The following ENTPD1 variants were observed in gnomAD, a reference collection of about 807,000 sequenced individuals.
The protein encoded by ENTPD1 is ATP diphosphohydrolase.
In ENTPD1, 33 loss-of-function variants were observed where a neutral mutation model predicts 57.0. The observed-to-expected ratio is 0.58, with a 90% CI of 0.44 to 0.77. ENTPD1 has a LOEUF of 0.77. Among genes scored for constraint, ENTPD1 ranks in the 30% least tolerant of loss-of-function variants. The pLI, the probability that ENTPD1 is intolerant of heterozygous loss-of-function variation, is 0.00. For synonymous variants in ENTPD1, 202 were observed against 218.8 expected, an observed-to-expected ratio of 0.92 and a Z score of 0.68; for missense variants, 501 against 603.4, an observed-to-expected ratio of 0.83 and a Z score of 1.78.
At chr10:95,733,061 C>T (rs1409651359) in intron 1 of ENTPD1, among the ~76,000 whole-genome samples, 1 of 152,094 alleles carries the variant, frequency 6.6e-6, no homozygotes, top group East Asian at 1.9e-4. Flanking sequence ...CCGTAATAGG[C>T]CTGGGAGTGC....
At chr10:95,856,938 G>C (rs1225296336) in intron 7 of ENTPD1, among the ~76,000 whole-genome samples, 3 of 151,644 alleles carry the variant, frequency 2.0e-5, no homozygotes, top group African/African-American at 7.3e-5. Flanking sequence ...TACATCTCTA[G>C]AGGATGGTTA....
At chr10:95,773,914 C>A (rs999484604) in intron 1 of ENTPD1, among the ~76,000 whole-genome samples, 1 of 152,196 alleles carries the variant, frequency 6.6e-6, no homozygotes, top group Non-Finnish European at 1.5e-5. Context: ...GCCACACTGT[C>A]TTCCACAATG....
chr10:95,868,002 C>T lies in ENTPD1; in HGVS notation c.*1619C>T. The T allele has an allele frequency of 1.0e-6, 1 of 985,468 alleles. No homozygotes were observed. The highest frequency in any genetic ancestry group is 1.2e-6 in the Non-Finnish European group (1 of 829,934). The allele number at this position is 985,468 out of a possible 1,614,324, so 61.0% of individuals were successfully genotyped here. A position where few individuals can be genotyped will look rare whatever the true frequency, so the allele number is the denominator to read the frequency against. ...GAATTGGGACATGTTCAAATTCTTTCTTGTGGTAGTTGCCTATACTGTCAT... is the reference window on the plus strand; with the variant it reads ...GAATTGGGACATGTTCAAATTCTTTTTTGTGGTAGTTGCCTATACTGTCAT... On this transcript the variant is annotated 3_prime_UTR_variant, in exon 10 of 10. Transcript: ENST00000371205.
At chr10:95,752,287 T>C (rs539934526), upstream of ENTPD1, among the ~76,000 whole-genome samples, 1 of 152,324 alleles carries the variant, frequency 6.6e-6, no homozygotes, top group African/African-American at 2.4e-5. Flanking sequence ...GACCATGGTC[T>C]CAAGTAGCTT....
At chr10:95,855,130 G>A (rs953362156) in intron 7 of ENTPD1, among the ~76,000 whole-genome samples, 13 of 152,106 alleles carry the variant, frequency 8.5e-5, no homozygotes, top group Non-Finnish European at 1.3e-4. Context: ...CCTGTATTGG[G>A]TGCATATATA....
chr10:95,710,055 T>A (rs2097964308), upstream of ENTPD1, among the ~76,000 whole-genome samples: 1 of 151,130 alleles, frequency 6.6e-6, no homozygotes, highest in African/African-American at 2.4e-5. Context: ...ATTACAAGCG[T>A]AAGCCACTGT....
intron 1 of ENTPD1, among the ~76,000 whole-genome samples, chr10:95,736,607 T>G (rs2139863869): frequency 6.6e-6 from 1 of 152,286 alleles, no homozygotes; most frequent in Middle Eastern, 3.4e-3. Flanking sequence ...CAATGATGGT[T>G]GCACGCACAC....
At chr10:95,846,923 AG>A (rs1323128011) in intron 6 of ENTPD1, among the ~76,000 whole-genome samples, 6 of 151,690 alleles carry the variant, frequency 4.0e-5, no homozygotes, top group Non-Finnish European at 8.8e-5. Context: ...TGGGAGGCTG[AG>A]GTTGCAGTGA....
intron 1 of ENTPD1, among the ~76,000 whole-genome samples, chr10:95,817,989 A>T (rs10509686): frequency 0.27 from 40,885 of 152,052 alleles, 6,337 homozygotes; most frequent in Admixed American, 0.38. Context: ...TCCAACAACT[A>T]TAGAACTCCC....
At chr10:95,860,659 C>A (rs2098463846) in intron 8 of ENTPD1, 77 bp downstream of exon 8, 4 of 1,247,478 alleles carry the variant, frequency 3.2e-6, no homozygotes, top group Non-Finnish European at 4.6e-6. Context: ...TGAGTCTGCT[C>A]TGAAACTCCT....
intron 1 of ENTPD1, among the ~76,000 whole-genome samples, chr10:95,795,497 A>C (rs1407915339): frequency 6.6e-6 from 1 of 152,210 alleles, no homozygotes; most frequent in Admixed American, 6.5e-5. Context: ...TGAAAGTTCA[A>C]TAATACATAT....
intron 1 of ENTPD1, among the ~76,000 whole-genome samples, chr10:95,787,876 A>G (rs1566148388): frequency 6.6e-6 from 1 of 152,214 alleles, no homozygotes; most frequent in Non-Finnish European, 1.5e-5. Flanking sequence ...GTCATAAAGA[A>G]GGCTGCAGTG....
intron 7 of ENTPD1, among the ~76,000 whole-genome samples, chr10:95,851,429 A>G (rs1590154783): frequency 6.6e-6 from 1 of 151,780 alleles, no homozygotes; most frequent in Non-Finnish European, 1.5e-5. Context: ...AGGTTGGATG[A>G]TCTTTTTTTT....
At chr10:95,768,480 C>CTTTCTTTCTTTTCTTT (rs1317981160) in intron 1 of ENTPD1, among the ~76,000 whole-genome samples, 3 of 147,508 alleles carry the variant, frequency 2.0e-5, no homozygotes, top group African/African-American at 7.5e-5. Flanking sequence ...TCTCTTTCTT[C>CTTTCTTTCTTTTCTTT]TTTCTTTCTT....
At chr10:95,708,339 G>A (rs754881772), upstream of ENTPD1, among the ~76,000 whole-genome samples, 2 of 151,836 alleles carry the variant, frequency 1.3e-5, no homozygotes, top group Admixed American at 6.6e-5. Flanking sequence ...TCAGCCTCCC[G>A]AGTAGCTGGG....
chr10:95,757,703 G>A (rs947525357), intron 1 of ENTPD1, among the ~76,000 whole-genome samples: 1 of 152,072 alleles, frequency 6.6e-6, no homozygotes, highest in African/African-American at 2.4e-5. Flanking sequence ...ACAGCTAGTT[G>A]TCAAAAGTCT....
At position 95,871,322 on chromosome 10, in the gene ENTPD1, A is replaced by T. The variant is rs1402144621; in HGVS notation, c.*4939A>T. 1 of 985,178 alleles carries T rather than the reference A, an allele frequency of 1.0e-6. No homozygotes were observed. The highest frequency in any genetic ancestry group is 1.2e-6 in the Non-Finnish European group (1 of 829,670). The allele number at this position is 985,178 out of a possible 1,614,324, so 61.0% of individuals were successfully genotyped here. On this transcript the variant is annotated 3_prime_UTR_variant, in exon 10 of 10. Transcript: ENST00000371205. Reference sequence around the variant, plus strand: ...ATCTCACCAAAGAAATATTATCTTTAAAAAATGTCATTACTTCTAAGACAT... The same window carrying T: ...ATCTCACCAAAGAAATATTATCTTTTAAAAATGTCATTACTTCTAAGACAT...
chr10:95,707,324 G>A (rs7921581), upstream of ENTPD1, among the ~76,000 whole-genome samples: 7,518 of 152,280 alleles, frequency 0.049, 222 homozygotes, highest in Middle Eastern at 0.058. Flanking sequence ...AGAGCATGAG[G>A]CCTGGGTCTG....
intron 1 of ENTPD1, among the ~76,000 whole-genome samples, chr10:95,781,309 ATAGT>A (rs2098156844): frequency 6.6e-6 from 1 of 152,168 alleles, no homozygotes; most frequent in South Asian, 2.1e-4. Flanking sequence ...AGTACAAAAA[ATAGT>A]TAGAAAGAAT....
Sources: allele counts gnomAD v4.1 joint callset (sites outside exome capture counted in the v4.1 genomes callset), GRCh38; gene constraint gnomAD v4.1.1; transcripts MANE v1.5; gene names NCBI Gene and HGNC (gene_info 2026-07-23, HGNC 2026-07-21).